Variants in LOXHD1 observed in about 807,000 individuals in gnomAD.
The protein encoded by LOXHD1 is lipoxygenase homology domain-containing protein 1.
Under a neutral mutation model 248.2 loss-of-function variants are expected in LOXHD1, and 205 were observed. That is an observed-to-expected ratio of 0.83 (90% CI 0.74 to 0.93). LOXHD1 has a LOEUF of 0.93. Ranked by LOEUF, LOXHD1 falls within the 40% of genes least tolerant of loss-of-function variation. The probability of loss-of-function intolerance (pLI) is 0.00; values close to 1 mark genes in which losing one functional copy is unlikely to be tolerated. For missense variants in LOXHD1, 2,930 were observed against 2,971.6 expected (o/e 0.99, Z 0.33); for synonymous variants, 1,113 against 1,162.8 (o/e 0.96, Z 0.87).
At chr18:46,543,911 G>A (rs939107763) in intron 23 of LOXHD1, among the ~76,000 whole-genome samples, 24 of 152,088 alleles carry the variant, frequency 1.6e-4, no homozygotes, top group African/African-American at 5.3e-4. Context: ...AGAATCTCTG[G>A]AGCATCTTCT....
At chr18:46,600,501 G>A (rs1190010000) in intron 8 of LOXHD1, among the ~76,000 whole-genome samples, 1 of 152,118 alleles carries the variant, frequency 6.6e-6, no homozygotes, top group African/African-American at 2.4e-5. Context: ...GGGAGGCTGA[G>A]GCAGGAGAAT....
At position 46,601,364 on chromosome 18, in the gene LOXHD1, A is replaced by G; in HGVS notation, c.987T>C (p.Ser329=). The G allele has an allele frequency of 1.3e-6, 2 of 1,551,636 alleles. No homozygotes were observed. The highest frequency in any genetic ancestry group is 2.4e-5 in the South Asian group (2 of 84,056). The change falls in exon 8 of 41, where the codon AGT becomes AGC. Residue 329 remains serine, a synonymous_variant. Coordinates refer to ENST00000642948, the MANE Select transcript of LOXHD1 (RefSeq NM_001384474.1). The part of the protein sequence containing the change: ...VMYGARGNKN[S]GKIFLEGGVF... ...CGCCGCCCTCCAGGAAGATTTTCCC[A>G]CTGTTCTTATTCCCTCTGGCCCCAT...
intron 38 of LOXHD1, among the ~76,000 whole-genome samples, chr18:46,486,084 C>T (rs978758006): frequency 2.9e-4 from 44 of 152,116 alleles, no homozygotes; most frequent in Admixed American, 6.5e-4. Context: ...AAATTGCTAC[C>T]TGATCCCCCT....
intron 40 of LOXHD1, among the ~76,000 whole-genome samples, chr18:46,479,351 G>C (rs1170209278): frequency 1.3e-5 from 2 of 151,460 alleles, no homozygotes; most frequent in African/African-American, 4.9e-5. Flanking sequence ...AGAGCCAAGA[G>C]AATGGTCTTG....
At chr18:46,647,247 C>T (rs901174802) in intron 2 of LOXHD1, among the ~76,000 whole-genome samples, 1 of 152,192 alleles carries the variant, frequency 6.6e-6, no homozygotes, top group Admixed American at 6.5e-5. Flanking sequence ...CCTAGACCCC[C>T]TTCAGACCCC....
intron 12 of LOXHD1, among the ~76,000 whole-genome samples, chr18:46,588,665 C>T (rs1424647453): frequency 6.6e-6 from 1 of 152,182 alleles, no homozygotes; most frequent in Non-Finnish European, 1.5e-5. Flanking sequence ...TGTGTTTCCA[C>T]AGCATTCACA....
chr18:46,500,725 CT>C (rs1047476399), intron 37 of LOXHD1, among the ~76,000 whole-genome samples: 3 of 152,164 alleles, frequency 2.0e-5, no homozygotes, highest in Non-Finnish European at 4.4e-5. Context: ...GCTTCCACCC[CT>C]ATTCCCTATT....
At chr18:46,493,149 G>C (rs2033603838) in intron 37 of LOXHD1, among the ~76,000 whole-genome samples, 1 of 152,118 alleles carries the variant, frequency 6.6e-6, no homozygotes, top group Admixed American at 6.5e-5. Flanking sequence ...TTTATCCCTT[G>C]ATATATGAAG....
intron 25 of LOXHD1, among the ~76,000 whole-genome samples, chr18:46,541,444 C>T (rs2036553687): frequency 6.6e-6 from 1 of 152,210 alleles, no homozygotes; most frequent in Non-Finnish European, 1.5e-5. Context: ...AGACCTTTAT[C>T]TTTCTTCCTT....
intron 19 of LOXHD1, 31 bp downstream of exon 19, chr18:46,560,052 T>TGCCCCCCC: frequency 9.5e-5 from 42 of 441,122 alleles, no homozygotes; most frequent in Non-Finnish European, 1.4e-4. Flanking sequence ...GGCCACTCCC[T>TGCCCCCCC]CCCCACCCCC....
intron 28 of LOXHD1, among the ~76,000 whole-genome samples, chr18:46,531,556 T>A (rs1291570119): frequency 6.6e-6 from 1 of 150,474 alleles, no homozygotes; most frequent in Non-Finnish European, 1.5e-5. Context: ...GGGGCTGGGA[T>A]GAAATGGCCT....
At chr18:46,503,071 AG>A (rs2034336091) in intron 37 of LOXHD1, among the ~76,000 whole-genome samples, 1 of 152,184 alleles carries the variant, frequency 6.6e-6, no homozygotes, top group African/African-American at 2.4e-5. Context: ...ACTATGCTCC[AG>A]GTACTGTTAT....
intron 13 of LOXHD1, 123 bp downstream of exon 13, chr18:46,579,507 G>C: frequency 7.7e-7 from 1 of 1,306,170 alleles, no homozygotes; most frequent in Non-Finnish European, 1.1e-6. Context: ...CCAGAGTGAG[G>C]CTCCTGATGG....
chr18:46,577,922 C>T (rs2037891372), intron 13 of LOXHD1, 55 bp from the exon 14 acceptor site: 1 of 1,536,132 alleles, frequency 6.5e-7, no homozygotes, highest in Non-Finnish European at 8.8e-7. Context: ...AGGACCCAAA[C>T]ACCAAGGGAA....
intron 1 of LOXHD1, among the ~76,000 whole-genome samples, chr18:46,652,900 A>G (rs1039504507): frequency 3.9e-5 from 6 of 152,254 alleles, no homozygotes; most frequent in Non-Finnish European, 5.9e-5. Flanking sequence ...AATCAGATAT[A>G]ACGCTGAAAG....
intron 2 of LOXHD1, among the ~76,000 whole-genome samples, chr18:46,647,135 G>T (rs1023944879): frequency 6.6e-6 from 1 of 152,212 alleles, no homozygotes; most frequent in African/African-American, 2.4e-5. Context: ...GGGGTAATTG[G>T]GGAGGGTTGA....
At chr18:46,573,572 G>A (rs1276422252) in intron 14 of LOXHD1, among the ~76,000 whole-genome samples, 1 of 152,176 alleles carries the variant, frequency 6.6e-6, no homozygotes, top group Non-Finnish European at 1.5e-5. Flanking sequence ...GCAACTCCCT[G>A]GCTACAGAGC....
At chr18:46,492,259 G>A (rs1020273539) in intron 37 of LOXHD1, among the ~76,000 whole-genome samples, 2 of 152,200 alleles carry the variant, frequency 1.3e-5, no homozygotes, top group African/African-American at 4.8e-5. Flanking sequence ...ATCCTACTTG[G>A]CCTTAGCAGA....
Position 46,532,923 on chromosome 18 carries a change from C to T in LOXHD1, c.4375+239G>A, listed in dbSNP as rs1261115503. Among the ~76,000 whole-genome samples the T allele has an allele frequency of 2.0e-5, 3 of 152,218 alleles. No homozygotes were observed. In the East Asian group the frequency reaches 5.8e-4, roughly 29 times the overall value. ...ATGTCAGACCAGGGAAGAATTTTAG[C>T]ACAAACCTTGGAGTGAGACAGCTGA... is the stretch of plus-strand genomic sequence containing the variant. On this transcript the variant is annotated intron_variant, in intron 28 of 40. Transcript: ENST00000642948.
Sources: gnomAD v4.1 joint callset for allele counts (sites outside exome capture counted in the v4.1 genomes callset) on GRCh38, gnomAD v4.1.1 for gene constraint, MANE v1.5 for transcripts, NCBI Gene and HGNC (gene_info 2026-07-23, HGNC 2026-07-21) for gene names.